The following ANK2 variants were observed in gnomAD, a reference collection of about 807,000 sequenced individuals.
ANK2 encodes ankyrin-2.
ANK2 carries 83 observed loss-of-function variants against 360.5 expected under a neutral mutation model. That is an observed-to-expected ratio of 0.23 (90% CI 0.19 to 0.28). The LOEUF (loss-of-function observed/expected upper bound fraction) is 0.28. ANK2 is among the 10% of genes least tolerant of loss of function. The probability of loss-of-function intolerance (pLI) is 1.00; values close to 1 mark genes in which losing one functional copy is unlikely to be tolerated. For missense variants in ANK2, 4,201 were observed against 4,795.7 expected, an observed-to-expected ratio of 0.88 and a Z score of 3.66; for synonymous variants, 1,740 against 1,759.5, an observed-to-expected ratio of 0.99 and a Z score of 0.28.
the ANK2 span, among the ~76,000 whole-genome samples, chr4:112,721,364 AC>A: frequency 6.6e-6 from 1 of 152,040 alleles, no homozygotes; most frequent in African/African-American, 2.4e-5. Context: ...ACATAGTGAA[AC>A]CCTGTCTCTA....
chr4:113,000,636 T>C (rs2050267985), intron 2 of ANK2, among the ~76,000 whole-genome samples: 1 of 152,076 alleles, frequency 6.6e-6, no homozygotes, highest in African/African-American at 2.4e-5. Flanking sequence ...AAATTATGAG[T>C]TTAGAAAAGT....
intron 40 of ANK2, among the ~76,000 whole-genome samples, chr4:113,364,421 A>C (rs541120728): frequency 6.6e-6 from 1 of 152,338 alleles, no homozygotes; most frequent in African/African-American, 2.4e-5. Context: ...TGTTGCTTAA[A>C]AACTCTTGCA....
intron 34 of ANK2, among the ~76,000 whole-genome samples, chr4:113,344,492 T>C (rs1233134955): frequency 1.3e-5 from 2 of 152,140 alleles, no homozygotes; most frequent in African/African-American, 4.8e-5. Flanking sequence ...TGGTTTTTCC[T>C]CAAAAAGTTA....
intron 36 of ANK2, 144 bp from the exon 37 acceptor site, chr4:113,350,084 A>G (rs1368468103): frequency 2.9e-6 from 2 of 693,144 alleles, no homozygotes; most frequent in Non-Finnish European, 4.8e-6. Context: ...TCTCAGGAAA[A>G]AATGTAGCAA....
chr4:112,853,363 G>A (rs1345132705), intron 1 of ANK2, among the ~76,000 whole-genome samples: 58 of 151,814 alleles, frequency 3.8e-4, no homozygotes, highest in Admixed American at 3.3e-3. Flanking sequence ...CACCATGCCC[G>A]GCCTTTTTTT....
chr4:113,077,100 A>G (rs1561894290), intron 1 of ANK2, among the ~76,000 whole-genome samples: 1 of 152,200 alleles, frequency 6.6e-6, no homozygotes, highest in Non-Finnish European at 1.5e-5. Flanking sequence ...ATTTATCAAT[A>G]GCAAAATAAA....
intron 2 of ANK2, among the ~76,000 whole-genome samples, chr4:113,008,405 C>T (rs2053630730): frequency 6.6e-6 from 1 of 151,972 alleles, no homozygotes; most frequent in Admixed American, 6.6e-5. Context: ...TTAGTTCACA[C>T]TGGAGGTTTT....
At position 113,368,008 on chromosome 4, in the gene ANK2, A is replaced by G. The variant is rs111270706; in HGVS notation, c.11318+157A>G. ...TAAAGGGGAAAAAAAAAGCGTTAAC[A>G]TGTAAGAGACATAATTGTGACAGTG... On this transcript the variant is annotated intron_variant, in intron 42 of 45. Transcript: ENST00000357077. Among the ~76,000 whole-genome samples, 1,447 of 152,324 alleles carry G rather than the reference A, an allele frequency of 9.5e-3. 25 individuals carry two copies. Among genetic ancestry groups the G allele is most frequent in the African/African-American group, 0.033 (1,364 of 41,556 alleles).
intron 22 of ANK2, among the ~76,000 whole-genome samples, chr4:113,301,431 C>T (rs1442093910): frequency 6.6e-6 from 1 of 151,458 alleles, no homozygotes; most frequent in African/African-American, 2.4e-5. Context: ...ATGGCTAAAT[C>T]AAGCTTATTA....
intron 2 of ANK2, among the ~76,000 whole-genome samples, chr4:112,973,200 A>AG (rs1402610072): frequency 6.6e-6 from 1 of 152,148 alleles, no homozygotes; most frequent in Non-Finnish European, 1.5e-5. Flanking sequence ...AAAAAAAAAA[A>AG]AAAAGACTTT....
intron 45 of ANK2, among the ~76,000 whole-genome samples, chr4:113,379,737 A>G (rs1286045923): frequency 6.6e-6 from 1 of 152,208 alleles, no homozygotes; most frequent in Admixed American, 6.5e-5. Flanking sequence ...GTATTAAAGG[A>G]AAAAGGGGAG....
In ANK2 at chr4:112,975,679, C is replaced by A. The variant is rs374301375; in HGVS notation, c.21+71165C>A. On this transcript the variant is annotated intron_variant, in intron 2 of 30. Coordinates refer to the ANK2 transcript ENST00000503271. ...AGCAGGACTGGAAGCAAGTAATCTC[C>A]TTCTTGCAGTCCTCCATTCCTTTCT... Among the ~76,000 whole-genome samples, 13 of 152,276 alleles carry A rather than the reference C, an allele frequency of 8.5e-5. No individual in the cohort carries two copies. In the East Asian group the frequency reaches 1.7e-3, roughly 20 times the overall value.
rs140767964 is a variant in ANK2, at chr4:113,031,694, G to T, written c.21+127180G>T. ...TTATCAGGATGGGACAGATGTAACTGCAGGGTTCAGCAGGAGGTAGCTAGG... is the reference window on the plus strand; with the variant it reads ...TTATCAGGATGGGACAGATGTAACTTCAGGGTTCAGCAGGAGGTAGCTAGG... On this transcript the variant is annotated intron_variant, in intron 2 of 30. Transcript: ENST00000503271. Among the ~76,000 whole-genome samples, 577 of 151,816 alleles carry T rather than the reference G, an allele frequency of 3.8e-3. 14 individuals carry two copies. Among genetic ancestry groups the T allele is most frequent in the Admixed American group, 0.03 (456 of 15,206 alleles).
At chr4:113,120,958 A>C (rs1274050669) in intron 1 of ANK2, among the ~76,000 whole-genome samples, 1 of 152,208 alleles carries the variant, frequency 6.6e-6, no homozygotes, top group East Asian at 1.9e-4. Flanking sequence ...ACTATTGTCC[A>C]ATCAATCATA....
At chr4:113,351,911 C>G (rs1189806059) in intron 37 of ANK2, among the ~76,000 whole-genome samples, 1 of 152,166 alleles carries the variant, frequency 6.6e-6, no homozygotes, top group Non-Finnish European at 1.5e-5. Flanking sequence ...GGAAGGGACT[C>G]TTACCTGAAG....
intron 14 of ANK2, among the ~76,000 whole-genome samples, chr4:113,265,977 C>G (rs1460529295): frequency 6.6e-6 from 1 of 152,112 alleles, no homozygotes; most frequent in African/African-American, 2.4e-5. Context: ...TATTATTATA[C>G]TTTAAGTTCT....
intron 2 of ANK2, among the ~76,000 whole-genome samples, chr4:112,987,174 T>G (rs1315071308): frequency 6.6e-6 from 1 of 152,222 alleles, no homozygotes; most frequent in East Asian, 1.9e-4. Context: ...GTCTATATTC[T>G]CATCCTCTCA....
At chr4:112,723,697 C>G in the ANK2 span, among the ~76,000 whole-genome samples, 1 of 152,200 alleles carries the variant, frequency 6.6e-6, no homozygotes, top group East Asian at 1.9e-4. Flanking sequence ...TCGTCAAGGA[C>G]TTGATATAAA....
chr4:112,752,726 G>C, the ANK2 span, among the ~76,000 whole-genome samples: 3 of 152,108 alleles, frequency 2.0e-5, no homozygotes, highest in Non-Finnish European at 4.4e-5. Flanking sequence ...CCCAGCTGCA[G>C]TGCAGTGGAA....
Sources: allele counts gnomAD v4.1 joint callset (sites outside exome capture counted in the v4.1 genomes callset), GRCh38; gene constraint gnomAD v4.1.1; transcripts MANE v1.5; gene names NCBI Gene and HGNC (gene_info 2026-07-23, HGNC 2026-07-21).